Variants in TENM3 observed in about 807,000 individuals in gnomAD.
TENM3 encodes teneurin-3.
Under a neutral mutation model 255.1 loss-of-function variants are expected in TENM3, and 63 were observed. That is an observed-to-expected ratio of 0.25 (90% confidence interval 0.20 to 0.30). TENM3 has a LOEUF of 0.30. Ranked by LOEUF, TENM3 falls within the 10% of genes least tolerant of loss-of-function variation. The pLI is 1.00. For synonymous variants in TENM3, 1,306 were observed against 1,322.3 expected (o/e 0.99, Z 0.27); for missense variants, 2,929 against 3,461.1 (o/e 0.85, Z 3.86).
chr4:181,470,120 A>AAAGAAC, the TENM3 span, among the ~76,000 whole-genome samples: 1 of 21,312 alleles, frequency 4.7e-5, no homozygotes, highest in Non-Finnish European at 2.1e-4. Flanking sequence ...AAAAAAAAAA[A>AAAGAAC]AAAAACATTA....
chr4:182,292,210 G>A (rs1323240042), intron 1 of TENM3, among the ~76,000 whole-genome samples: 6 of 152,142 alleles, frequency 3.9e-5, no homozygotes, highest in Admixed American at 3.3e-4. Flanking sequence ...ATTAGAAGGT[G>A]GGCATATTGA....
the TENM3 span, among the ~76,000 whole-genome samples, chr4:181,724,897 G>T: frequency 6.6e-6 from 1 of 152,176 alleles, no homozygotes; most frequent in African/African-American, 2.4e-5. Flanking sequence ...AGGGATAAAG[G>T]CCAGATTGCC....
At chr4:182,465,988 G>C (rs1181307606) in intron 3 of TENM3, among the ~76,000 whole-genome samples, 1 of 152,016 alleles carries the variant, frequency 6.6e-6, no homozygotes, top group African/African-American at 2.4e-5. Flanking sequence ...AGATAAACCT[G>C]AACTATTATT....
the TENM3 span, among the ~76,000 whole-genome samples, chr4:181,954,408 GT>G: frequency 3.4e-4 from 52 of 152,230 alleles, 1 homozygote; most frequent in East Asian, 9.7e-3. Context: ...GAGAATTCCA[GT>G]TTTTTACAAA....
In TENM3 at chr4:182,751,727, T is replaced by C. The variant is rs1762384780; in HGVS notation, c.3630-73T>C. 2.6e-5 allele frequency: 27 copies of C among 1,055,348 alleles called. No homozygotes were observed. In the South Asian group the frequency reaches 3.5e-4, roughly 14 times the overall value. 65.4% of individuals were successfully genotyped at this position (1,055,348 alleles called of 1,614,324 possible). A position where few individuals can be genotyped will look rare whatever the true frequency, so the allele number is the denominator to read the frequency against. ...ATAATCAGTTTCTCATGATCTGTTT[T>C]ATTTTGCTTTTAATTTCCCTCTGTG... On this transcript the variant is annotated intron_variant, in intron 19 of 27. Transcript: ENST00000511685.
At chr4:182,566,159 C>T (rs950734347) in intron 3 of TENM3, among the ~76,000 whole-genome samples, 4 of 152,172 alleles carry the variant, frequency 2.6e-5, no homozygotes, top group Non-Finnish European at 5.9e-5. Context: ...TTTCCCTTGG[C>T]CTTCATACAG....
At chr4:182,011,837 T>C in the TENM3 span, among the ~76,000 whole-genome samples, 1 of 152,154 alleles carries the variant, frequency 6.6e-6, no homozygotes, top group African/African-American at 2.4e-5. Flanking sequence ...GAGGTGATGC[T>C]GCGTGACTTT....
the TENM3 span, among the ~76,000 whole-genome samples, chr4:181,888,765 AG>A: frequency 6.6e-6 from 1 of 150,436 alleles, no homozygotes; most frequent in Non-Finnish European, 1.5e-5. Context: ...CCGTTGGAGG[AG>A]GGGGGAACAG....
the TENM3 span, among the ~76,000 whole-genome samples, chr4:182,042,446 T>C: frequency 6.4e-4 from 97 of 152,302 alleles, 1 homozygote; most frequent in African/African-American, 2.1e-3. Flanking sequence ...CAGTAACATG[T>C]CCAGAAGATC....
chr4:181,995,060 G>A, the TENM3 span, among the ~76,000 whole-genome samples: 5 of 152,072 alleles, frequency 3.3e-5, no homozygotes, highest in Non-Finnish European at 7.4e-5. Context: ...AAGCTGAGGC[G>A]GGTAGATCAC....
Position 182,754,935 on chromosome 4 carries a change from T to G in TENM3, c.4568T>G (p.Ile1523Ser). The part of the protein sequence containing the change: ...VASPTDQELY[I>S]FDINGTHQYT... ...TCTCCAACTGATCAAGAACTCTACATCTTTGACATCAATGGTACTCACCAA... is the reference window on the plus strand; with the variant it reads ...TCTCCAACTGATCAAGAACTCTACAGCTTTGACATCAATGGTACTCACCAA... Residue 1523 changes from isoleucine (I) to serine (S), a missense_variant, in exon 22 of 28, where the codon ATC becomes AGC. This residue lies in a region of TENM3 where 1,608 missense variants were observed against 1,884.4 expected (regional missense o/e 0.85). Coordinates refer to ENST00000511685, the MANE Select transcript of TENM3 (RefSeq NM_001080477.4). The surrounding 1 kb of genome is among the most constrained non-coding windows in gnomAD (Gnocchi z 5.1). 6.2e-7 allele frequency: 1 copy of G among 1,614,060 alleles called. No individual in the cohort carries two copies.
the TENM3 span, among the ~76,000 whole-genome samples, chr4:182,117,984 C>T: frequency 3.9e-5 from 6 of 152,056 alleles, no homozygotes; most frequent in African/African-American, 9.7e-5. Context: ...AGCTTTAAAC[C>T]TAAGTACTTC....
chr4:182,047,864 A>C, the TENM3 span, among the ~76,000 whole-genome samples: 2 of 152,104 alleles, frequency 1.3e-5, no homozygotes, highest in Non-Finnish European at 2.9e-5. Flanking sequence ...TATTTATGAG[A>C]TACAGTTTTC....
intron 19 of TENM3, among the ~76,000 whole-genome samples, chr4:182,747,749 T>C (rs1408898770): frequency 6.6e-6 from 1 of 152,208 alleles, no homozygotes; most frequent in African/African-American, 2.4e-5. Context: ...TTGAATCCAT[T>C]AAAGTGTAGA....
At chr4:181,646,711 G>C in the TENM3 span, among the ~76,000 whole-genome samples, 2 of 152,182 alleles carry the variant, frequency 1.3e-5, no homozygotes, top group African/African-American at 2.4e-5. Context: ...GGTTAGGACC[G>C]AGGCGCGTCT....
chr4:182,411,725 G>A (rs561502010), intron 3 of TENM3, among the ~76,000 whole-genome samples: 5 of 152,256 alleles, frequency 3.3e-5, no homozygotes, highest in South Asian at 4.1e-4. Context: ...CGTACTATGC[G>A]TTATTTTGAC....
intron 3 of TENM3, among the ~76,000 whole-genome samples, chr4:182,467,951 C>A (rs1732750362): frequency 6.6e-6 from 1 of 152,142 alleles, no homozygotes; most frequent in African/African-American, 2.4e-5. Flanking sequence ...ACTGAGATTC[C>A]TCATTCAGGC....
the TENM3 span, among the ~76,000 whole-genome samples, chr4:182,135,804 T>C: frequency 6.6e-6 from 1 of 152,226 alleles, no homozygotes; most frequent in Admixed American, 6.5e-5. Flanking sequence ...AAGAAGAATG[T>C]GAAACTCACC....
At chr4:182,753,418 AAATTAGT>A in intron 20 of TENM3, 25 bp from the exon 21 acceptor site, 1 of 1,591,706 alleles carries the variant, frequency 6.3e-7, no homozygotes, top group South Asian at 1.1e-5. Flanking sequence ...CATTTTTGAA[AAATTAGT>A]AATACTTGCT....
Sources: gnomAD v4.1 joint callset for allele counts (sites outside exome capture counted in the v4.1 genomes callset) on GRCh38, gnomAD v4.1.1 for gene constraint, gnomAD v4.1.1 regional missense constraint, Gnocchi (gnomAD v3.1) non-coding constraint, MANE v1.5 for transcripts, NCBI Gene and HGNC (gene_info 2026-07-23, HGNC 2026-07-21) for gene names.